FBXO34: variants seen among roughly 807,000 people sequenced by gnomAD.
FBXO34 encodes the protein F-box only protein 34.
Under a neutral mutation model 24.5 loss-of-function variants are expected in FBXO34, and 12 were observed. The ratio of observed to expected loss-of-function variants is 0.49; its 90% CI spans 0.31 to 0.79. The LOEUF (loss-of-function observed/expected upper bound fraction) is 0.79. Ranked by LOEUF, FBXO34 falls within the 30% of genes least tolerant of loss-of-function variation. The pLI, the probability that FBXO34 is intolerant of heterozygous loss-of-function variation, is 0.04. For missense variants in FBXO34, 823 were observed against 857.7 expected (o/e 0.96, Z 0.51); for synonymous variants, 320 against 311.9 (o/e 1.03, Z -0.27).
chr14:55,305,596 C>T (rs1882515588), intron 1 of FBXO34, among the ~76,000 whole-genome samples: 1 of 149,942 alleles, frequency 6.7e-6, no homozygotes, highest in African/African-American at 2.5e-5. Context: ...ACTCGGGAGG[C>T]TGAGGCAGAA....
the FBXO34 span, chr14:55,414,316 G>A: frequency 8.1e-7 from 1 of 1,239,092 alleles, no homozygotes; most frequent in Non-Finnish European, 1.2e-6. Flanking sequence ...GAATCCAGCT[G>A]TTTCTGTGCT....
At chr14:55,400,139 A>G in the FBXO34 span, among the ~76,000 whole-genome samples, 351 of 152,326 alleles carry the variant, frequency 2.3e-3, no homozygotes, top group Non-Finnish European at 4.0e-3. Context: ...TGCGTGGGTC[A>G]GGGCTGCAAC....
At chr14:55,309,644 A>G (rs1378491647) in intron 1 of FBXO34, among the ~76,000 whole-genome samples, 1 of 152,220 alleles carries the variant, frequency 6.6e-6, no homozygotes, top group Non-Finnish European at 1.5e-5. Flanking sequence ...GCATTACTTT[A>G]AAAACATTAG....
the FBXO34 span, among the ~76,000 whole-genome samples, chr14:55,375,490 ATTTT>A: frequency 5.9e-5 from 7 of 117,804 alleles, no homozygotes; most frequent in Admixed American, 2.8e-4. Flanking sequence ...GCCGGGCTAA[ATTTT>A]TTTTTTTTTT....
intron 1 of FBXO34, among the ~76,000 whole-genome samples, chr14:55,315,089 T>A (rs965749852): frequency 6.6e-6 from 1 of 152,258 alleles, no homozygotes; most frequent in Non-Finnish European, 1.5e-5. Context: ...TTTATAACAT[T>A]GCTTAGACTA....
chr14:55,297,370 A>G (rs1298503622), intron 1 of FBXO34, among the ~76,000 whole-genome samples: 1 of 152,172 alleles, frequency 6.6e-6, no homozygotes, highest in Non-Finnish European at 1.5e-5. Context: ...GCCATTTACT[A>G]TTTGGTGCCC....
rs78344522 is a variant in FBXO34 at position 55,273,836 on chromosome 14, C to T, written c.-11+2299C>T. The stretch of plus-strand genomic sequence containing the variant: ...TGTATGTTTTTTTGAAACAGAGCCT[C>T]GCTCTGTCACCCAGGCTGGAGTGCA... On this transcript the variant is annotated intron_variant, in intron 1 of 1. Coordinates refer to ENST00000313833, the MANE Select transcript of FBXO34 (RefSeq NM_017943.4). 4.6e-3 allele frequency among the ~76,000 whole-genome samples: 703 copies of T among 152,288 alleles called. 35 individuals are homozygous for T. The East Asian group carries it at 0.12, about 26-fold the overall frequency.
chr14:55,390,380 A>G, the FBXO34 span, among the ~76,000 whole-genome samples: 7 of 139,832 alleles, frequency 5.0e-5, no homozygotes, highest in Non-Finnish European at 1.1e-4. Context: ...CAACTTTTTT[A>G]TTTTTTTCTT....
chr14:55,410,048 T>A, the FBXO34 span, among the ~76,000 whole-genome samples: 12 of 152,252 alleles, frequency 7.9e-5, no homozygotes, highest in East Asian at 2.3e-3. Flanking sequence ...TAAACAGAGT[T>A]GGGTTAAGAG....
At chr14:55,400,674 G>A in the FBXO34 span, among the ~76,000 whole-genome samples, 43 of 152,192 alleles carry the variant, frequency 2.8e-4, no homozygotes, top group South Asian at 6.2e-4. Context: ...AGGCCAAGGC[G>A]GGTGGATCAC....
the FBXO34 span, among the ~76,000 whole-genome samples, chr14:55,389,687 T>A: frequency 6.6e-6 from 1 of 152,246 alleles, no homozygotes; most frequent in African/African-American, 2.4e-5. Flanking sequence ...TCTTTGAGTC[T>A]GAAGTAAATC....
chr14:55,283,948 G>A (rs1881654036), intron 1 of FBXO34, among the ~76,000 whole-genome samples: 2 of 137,530 alleles, frequency 1.5e-5, no homozygotes, highest in African/African-American at 6.5e-5. Context: ...AAGACTATGT[G>A]TGTGTGTGTG....
chr14:55,432,245 CAA>C, the FBXO34 span, among the ~76,000 whole-genome samples: 40 of 121,964 alleles, frequency 3.3e-4, no homozygotes, highest in African/African-American at 6.1e-4. Flanking sequence ...CCCGTCTCTA[CAA>C]AAAAAAAAAA....
At chr14:55,297,755 G>T (rs1156817248) in intron 1 of FBXO34, among the ~76,000 whole-genome samples, 1 of 152,054 alleles carries the variant, frequency 6.6e-6, no homozygotes, top group African/African-American at 2.4e-5. Context: ...TTCTTCCCAA[G>T]AAAGGATCTC....
chr14:55,432,859 G>A, the FBXO34 span, among the ~76,000 whole-genome samples: 7 of 152,160 alleles, frequency 4.6e-5, no homozygotes, highest in African/African-American at 7.2e-5. Context: ...CTTCCTCTGC[G>A]TGAGATCCAG....
chr14:55,323,902 T>C (rs1246149975), intron 1 of FBXO34, among the ~76,000 whole-genome samples: 1 of 152,190 alleles, frequency 6.6e-6, no homozygotes, highest in Non-Finnish European at 1.5e-5. Context: ...TGTTACTGAT[T>C]TATTTAAAAA....
chr14:55,360,601 C>T (rs1884580614), intron 3 of FBXO34, among the ~76,000 whole-genome samples: 1 of 152,062 alleles, frequency 6.6e-6, no homozygotes, highest in Admixed American at 6.5e-5. Flanking sequence ...TTTTTTCACT[C>T]TATTTTTATC....
the FBXO34 span, among the ~76,000 whole-genome samples, chr14:55,427,550 A>G: frequency 6.6e-6 from 1 of 152,180 alleles, no homozygotes; most frequent in African/African-American, 2.4e-5. Flanking sequence ...AAAGAACTTC[A>G]GTTCCAGCTT....
chr14:55,323,225 A>ATTTTTT lies in FBXO34; in HGVS notation c.-10-27138_-10-27133dup, dbSNP rs1194283087. Among the ~76,000 whole-genome samples the ATTTTTT allele has an allele frequency of 2.1e-4, 4 of 19,204 alleles. 1 individual carries two copies. In the African/African-American group the frequency reaches 4.0e-3, roughly 19 times the overall value. 12.6% of individuals were successfully genotyped at this position (19,204 alleles called of 152,430 possible). A position where few individuals can be genotyped will look rare whatever the true frequency, so the allele number is the denominator to read the frequency against. On this transcript the variant is annotated intron_variant, in intron 1 of 1. Coordinates refer to ENST00000313833, the MANE Select transcript of FBXO34 (RefSeq NM_017943.4). ...AAAAAAAAAAAAAAAAAAAATATAT[A>ATTTTTT]TTTTTTTTTTTTTTTTTTTTTTTAG...
Sources: gnomAD v4.1 joint callset for allele counts (sites outside exome capture counted in the v4.1 genomes callset) on GRCh38, gnomAD v4.1.1 for gene constraint, MANE v1.5 for transcripts, NCBI Gene and HGNC (gene_info 2026-07-23, HGNC 2026-07-21) for gene names.